ATF7IP2: variants seen among roughly 807,000 people sequenced by gnomAD.
ATF7IP2 encodes activating transcription factor 7-interacting protein 2.
In ATF7IP2, 42 loss-of-function variants were observed where a neutral mutation model predicts 64.2. The observed-to-expected ratio is 0.65, with a 90% CI of 0.51 to 0.85. ATF7IP2 has a LOEUF of 0.85. Ranked by LOEUF, ATF7IP2 falls within the 40% of genes least tolerant of loss-of-function variation. The pLI is 0.00. For missense variants in ATF7IP2, 933 were observed against 784.2 expected, an observed-to-expected ratio of 1.19 and a Z score of -2.27; for synonymous variants, 308 against 272.8, an observed-to-expected ratio of 1.13 and a Z score of -1.27.
At position 10,433,578 on chromosome 16, in the gene ATF7IP2, A is replaced by T. The variant is rs144646219; in HGVS notation, c.889A>T (p.Met297Leu). The change falls in exon 6 of 14, where the codon ATG becomes TTG. Residue 297 changes from methionine (M) to leucine (L), a missense_variant. Physicochemically the swap from Met to Leu is conservative, Grantham distance 15. Coordinates refer to ENST00000562102, the MANE Select transcript of ATF7IP2 (RefSeq NM_001393719.1). ...AGAAAACGAGGAAAATGTTAAACGC[A>T]TGAAAACTTCAGAGCAAATTAATGA... is the stretch of plus-strand genomic sequence containing the variant. ...FSENEENVKR[M>L]KTSEQINENI... The T allele has an allele frequency of 7.4e-6, 12 of 1,613,392 alleles. No homozygotes were observed. In the African/African-American group the frequency reaches 1.2e-4, roughly 16 times the overall value.
Position 10,478,837 on chromosome 16 carries a change from G to A in ATF7IP2, c.1550-2042G>A, listed in dbSNP as rs145036620. ...AAAACAACCCCATCAAAAAGTAGGCGAAGGACATGAACAGACACTTCTCAA... is the reference window on the plus strand; with the variant it reads ...AAAACAACCCCATCAAAAAGTAGGCAAAGGACATGAACAGACACTTCTCAA... On this transcript the variant is annotated intron_variant, in intron 12 of 13. Coordinates refer to ENST00000562102, the MANE Select transcript of ATF7IP2 (RefSeq NM_001393719.1). Among the ~76,000 whole-genome samples the A allele has an allele frequency of 7.9e-3, 1,209 of 152,224 alleles. 11 individuals are homozygous for A. Among genetic ancestry groups the A allele is most frequent in the African/African-American group, 0.027 (1,117 of 41,522 alleles).
At chr16:10,458,847 C>A (rs2049270965) in intron 9 of ATF7IP2, among the ~76,000 whole-genome samples, 1 of 152,172 alleles carries the variant, frequency 6.6e-6, no homozygotes, top group Non-Finnish European at 1.5e-5. Flanking sequence ...TAATAGTCTA[C>A]AAAAGTTGAG....
chr16:10,416,662 T>C (rs773304149), intron 2 of ATF7IP2, among the ~76,000 whole-genome samples: 1 of 152,072 alleles, frequency 6.6e-6, no homozygotes, highest in Non-Finnish European at 1.5e-5. Flanking sequence ...GGTGTGGTAG[T>C]GATGGGCACC....
At position 10,466,424 on chromosome 16, in the gene ATF7IP2, G is replaced by A. The variant is rs78949314; in HGVS notation, c.1353-5686G>A. Among the ~76,000 whole-genome samples, 428 of 152,248 alleles carry A rather than the reference G, an allele frequency of 2.8e-3. 3 individuals carry two copies. Among genetic ancestry groups the A allele is most frequent in the African/African-American group, 9.8e-3 (405 of 41,532 alleles). On this transcript the variant is annotated intron_variant, in intron 9 of 13. Transcript: ENST00000562102. ...GGAATTGCTAGGTCATAAGGTATGC[G>A]TATCTTGAGGTCTGATACCACCAAC... is the stretch of plus-strand genomic sequence containing the variant.
At chr16:10,418,484 T>C (rs2047922819) in intron 2 of ATF7IP2, among the ~76,000 whole-genome samples, 1 of 152,204 alleles carries the variant, frequency 6.6e-6, no homozygotes, top group Admixed American at 6.5e-5. Flanking sequence ...GAGCTACTTC[T>C]TGCAGGAGTC....
At chr16:10,463,650 G>C (rs1034514165) in intron 9 of ATF7IP2, among the ~76,000 whole-genome samples, 3 of 152,070 alleles carry the variant, frequency 2.0e-5, no homozygotes, top group Non-Finnish European at 4.4e-5. Context: ...GCAACCTCAT[G>C]AGAAAACGTG....
intron 1 of ATF7IP2, among the ~76,000 whole-genome samples, chr16:10,408,097 A>C (rs192555138): frequency 2.0e-5 from 3 of 152,028 alleles, no homozygotes; most frequent in Non-Finnish European, 4.4e-5. Context: ...TTTTTAGTAG[A>C]GGTGGGGTTT....
In ATF7IP2 at chr16:10,480,990, G is replaced by A. The variant is rs747934228; in HGVS notation, c.1635+26G>A. ...GTACTGAATCAAAGTGCTCTGTAAG[G>A]GATATTTATTCCAAATTGAGTGGGA... On this transcript the variant is annotated intron_variant, in intron 13 of 13. Coordinates refer to ENST00000562102, the MANE Select transcript of ATF7IP2 (RefSeq NM_001393719.1). The A allele has an allele frequency of 3.3e-6, 5 of 1,508,980 alleles. No individual in the cohort carries two copies. In the South Asian group the frequency reaches 3.4e-5, roughly 10 times the overall value. 93.5% of individuals were successfully genotyped at this position (1,508,980 alleles called of 1,614,324 possible). A position where few individuals can be genotyped will look rare whatever the true frequency, so the allele number is the denominator to read the frequency against.
At chr16:10,394,611 C>T (rs2047389107) in intron 1 of ATF7IP2, among the ~76,000 whole-genome samples, 1 of 152,090 alleles carries the variant, frequency 6.6e-6, no homozygotes, top group Admixed American at 6.5e-5. Context: ...AATATAGTCA[C>T]ACTAGGCCAT....
At chr16:10,456,523 A>T (rs1446284773) in intron 8 of ATF7IP2, among the ~76,000 whole-genome samples, 1 of 152,008 alleles carries the variant, frequency 6.6e-6, no homozygotes, top group Non-Finnish European at 1.5e-5. Context: ...TTTCAATGAC[A>T]GTTTACTTTT....
intron 7 of ATF7IP2, among the ~76,000 whole-genome samples, chr16:10,438,516 G>A (rs930872186): frequency 6.6e-6 from 1 of 151,346 alleles, no homozygotes; most frequent in African/African-American, 2.4e-5. Flanking sequence ...GCCTCCCAAA[G>A]TGCTGGGACT....
chr16:10,458,119 C>CA (rs956429841), intron 9 of ATF7IP2, among the ~76,000 whole-genome samples: 3 of 152,222 alleles, frequency 2.0e-5, no homozygotes, highest in African/African-American at 7.2e-5. Context: ...TATGCGTACA[C>CA]AAGGAGGCTC....
At chr16:10,410,311 AGTTTTGTTTTGTTTTGTTTT>A (rs71133350) in intron 1 of ATF7IP2, among the ~76,000 whole-genome samples, 79,230 of 150,142 alleles carry the variant, frequency 0.53, 21,180 homozygotes, top group East Asian at 0.65. Context: ...TATATTCCTA[AGTTTTGTTTTGTTTTGTTTT>A]GTTTTGTTTT....
intron 9 of ATF7IP2, among the ~76,000 whole-genome samples, chr16:10,459,029 A>G (rs1457617188): frequency 6.8e-6 from 1 of 146,910 alleles, no homozygotes; most frequent in Non-Finnish European, 1.5e-5. Context: ...CTACTAAAAA[A>G]TAATAATAAT....
chr16:10,402,539 C>A (rs73512982), intron 1 of ATF7IP2, among the ~76,000 whole-genome samples: 1 of 152,090 alleles, frequency 6.6e-6, no homozygotes, highest in East Asian at 1.9e-4. Context: ...TTTTTACTTA[C>A]TGCAGCCTTA....
intron 12 of ATF7IP2, among the ~76,000 whole-genome samples, chr16:10,476,311 A>G (rs55954697): frequency 0.062 from 9,365 of 152,276 alleles, 351 homozygotes; most frequent in South Asian, 0.14. Flanking sequence ...AGAAAAATAT[A>G]AGTAAAAGAA....
chr16:10,398,902 T>C (rs2047473283), intron 1 of ATF7IP2, among the ~76,000 whole-genome samples: 1 of 152,134 alleles, frequency 6.6e-6, no homozygotes, highest in Admixed American at 6.5e-5. Flanking sequence ...TCACCTGAGG[T>C]CAGGAGTTCA....
intron 4 of ATF7IP2, among the ~76,000 whole-genome samples, chr16:10,429,848 T>TTTTTA (rs1161805607): frequency 7.3e-5 from 11 of 150,336 alleles, no homozygotes; most frequent in African/African-American, 2.4e-4. Context: ...TTTTATTTTA[T>TTTTTA]TTTTATTTTA....
At chr16:10,468,551 G>C (rs2049668468) in intron 9 of ATF7IP2, among the ~76,000 whole-genome samples, 1 of 152,246 alleles carries the variant, frequency 6.6e-6, no homozygotes, top group Non-Finnish European at 1.5e-5. Context: ...AGCAGGGATG[G>C]AGGAGGGATT....
Sources: allele counts gnomAD v4.1 joint callset (sites outside exome capture counted in the v4.1 genomes callset), GRCh38; gene constraint gnomAD v4.1.1; transcripts MANE v1.5; gene names NCBI Gene and HGNC (gene_info 2026-07-23, HGNC 2026-07-21).